Variants in MSH4 observed in about 807,000 individuals in gnomAD.
The protein encoded by MSH4 is mutS protein homolog 4.
In MSH4, 106 loss-of-function variants were observed where a neutral mutation model predicts 113.7. The observed-to-expected ratio is 0.93, with a 90% CI of 0.80 to 1.10. The LOEUF (loss-of-function observed/expected upper bound fraction) is 1.10, where lower values mean the gene tolerates loss of function less well. Ranked by LOEUF, MSH4 falls within the 50% of genes least tolerant of loss-of-function variation. The probability of loss-of-function intolerance (pLI) is 0.00; values close to 1 mark genes in which losing one functional copy is unlikely to be tolerated. For synonymous variants in MSH4, 368 were observed against 380.2 expected, an observed-to-expected ratio of 0.97 and a Z score of 0.37; for missense variants, 1,061 against 1,093.7, an observed-to-expected ratio of 0.97 and a Z score of 0.42.
intron 8 of MSH4, among the ~76,000 whole-genome samples, chr1:75,856,200 CCT>C (rs981138682): frequency 1.4e-5 from 2 of 146,750 alleles, no homozygotes; most frequent in South Asian, 2.4e-4. Flanking sequence ...GAATCTGGAA[CCT>C]TTTTTTCTGT....
chr1:75,825,594 G>C (rs1472223451), intron 7 of MSH4, among the ~76,000 whole-genome samples: 1 of 152,196 alleles, frequency 6.6e-6, no homozygotes, highest in East Asian at 1.9e-4. Context: ...GATATTGGCT[G>C]TGGGTTTGTC....
At position 75,894,281 on chromosome 1, in the gene MSH4, G is replaced by A. The variant is rs761575175; in HGVS notation, c.2355+3457G>A. Among the ~76,000 whole-genome samples the A allele has an allele frequency of 1.3e-4, 20 of 152,304 alleles. 1 individual carries two copies. The highest frequency in any genetic ancestry group is 3.4e-3 in the Middle Eastern group (1 of 294). On this transcript the variant is annotated intron_variant, in intron 17 of 19. Transcript: ENST00000263187. The stretch of plus-strand genomic sequence containing the variant: ...GGAAAAGTTACTGTAATGGGAAGCA[G>A]AGTTAAAGCAGCAATCAGAATAATC...
intron 9 of MSH4, 101 bp downstream of exon 9, chr1:75,867,689 G>A (rs1227550546): frequency 4.2e-6 from 3 of 717,528 alleles, no homozygotes; most frequent in East Asian, 5.4e-5. Context: ...GAATAACATG[G>A]CGAATTTCCC....
In MSH4 at chr1:75,889,403, A is replaced by T. The variant is rs5745500; in HGVS notation, c.2226+34A>T. 1.2e-3 allele frequency: 1,116 copies of T among 953,538 alleles called. 21 individuals are homozygous for T. In the South Asian group the frequency reaches 0.017, roughly 14 times the overall value. The allele number at this position is 953,538 out of a possible 1,614,324, so 59.1% of individuals were successfully genotyped here. ...ACAAAACTTTTCTTATGTTAAAAAC[A>T]TTAAATTCTCTCACTAATGGCCAGT... On this transcript the variant is annotated intron_variant, in intron 16 of 19. Transcript: ENST00000263187.
intron 19 of MSH4, among the ~76,000 whole-genome samples, chr1:75,905,418 T>TA (rs1259007145): frequency 6.6e-6 from 1 of 152,258 alleles, no homozygotes; most frequent in East Asian, 1.9e-4. Context: ...ATATACTTCA[T>TA]AGGGTTTCGA....
intron 19 of MSH4, among the ~76,000 whole-genome samples, chr1:75,910,474 G>C (rs1408157949): frequency 1.4e-5 from 2 of 147,810 alleles, no homozygotes; most frequent in Non-Finnish European, 3.0e-5. Flanking sequence ...TCACTGTGTT[G>C]CCCAGCCTGG....
chr1:75,909,597 T>A (rs1477654217), intron 19 of MSH4, among the ~76,000 whole-genome samples: 2 of 152,004 alleles, frequency 1.3e-5, no homozygotes, highest in African/African-American at 4.8e-5. Context: ...AGGTTTTAAG[T>A]CCCGCATGCA....
intron 7 of MSH4, among the ~76,000 whole-genome samples, chr1:75,839,360 G>A (rs867616722): frequency 8.6e-5 from 13 of 151,992 alleles, no homozygotes; most frequent in South Asian, 4.2e-4. Flanking sequence ...GATTACAGGC[G>A]CCCACCACCA....
At position 75,816,486 on chromosome 1, in the gene MSH4, C is replaced by T. The variant is rs748975135; in HGVS notation, c.929C>T (p.Ala310Val). 1.6e-5 allele frequency: 26 copies of T among 1,607,118 alleles called. No homozygotes were observed. The highest frequency in any genetic ancestry group is 1.3e-4 in the Admixed American group (8 of 59,766). Residue 310 changes from alanine (A) to valine (V), a missense_variant, in exon 6 of 20, where the codon GCC (alanine) becomes GTC (valine). Ala to Val is a moderately conservative substitution (Grantham distance 64). Transcript: ENST00000263187. ...KICFQGSEQT[A>V]MIDSSSAQNL... ...TGTTTCCAGGGTAGTGAACAGACAG[C>T]CATGATAGATTCATCATCAGCCCAA...
chr1:75,857,981 C>T (rs12024786), intron 8 of MSH4, among the ~76,000 whole-genome samples: 39,486 of 152,040 alleles, frequency 0.26, 6,522 homozygotes, highest in East Asian at 0.68. Flanking sequence ...AGGTCCTTCA[C>T]ATCCCTTGTA....
Position 75,796,966 on chromosome 1 carries a change from G to C in MSH4, c.-20G>C. On this transcript the variant is annotated 5_prime_UTR_variant, in exon 1 of 20. Transcript: ENST00000263187. ...CGCTCAGAAACCTCATACTTCTCGG[G>C]TCAGGGAAGGTTTGGGAGGATGCTG... The C allele has an allele frequency of 6.2e-7, 1 of 1,613,500 alleles. No homozygotes were observed. Among genetic ancestry groups the C allele is most frequent in the Non-Finnish European group, 8.5e-7 (1 of 1,179,768 alleles).
rs534519714 is a variant in MSH4 at position 75,824,148 on chromosome 1, A to T, written c.1162+1567A>T. Among the ~76,000 whole-genome samples the T allele has an allele frequency of 7.2e-5, 11 of 151,872 alleles. No homozygotes were observed. The East Asian group carries it at 1.9e-3, about 27-fold the overall frequency. On this transcript the variant is annotated intron_variant, in intron 7 of 19. Coordinates refer to ENST00000263187, the MANE Select transcript of MSH4 (RefSeq NM_002440.4). ...CCTCTCCAGCATCTGTTGTTTCCTT[A>T]CTTTTTAATGATCGACATTCTAACT...
chr1:75,824,728 A>T (rs1650506664), intron 7 of MSH4, among the ~76,000 whole-genome samples: 1 of 152,118 alleles, frequency 6.6e-6, no homozygotes, highest in African/African-American at 2.4e-5. Context: ...TTAAACAGGG[A>T]ATCCTTTCCC....
Position 75,822,275 on chromosome 1 carries a change from C to T in MSH4, c.990-134C>T, listed in dbSNP as rs975094541. Reference sequence around the variant, plus strand: ...CTGTACTCCATACTGGGAGAGAGAGCGAGACTCTGTTTCAAAAAAAAAAAA... The same window carrying T: ...CTGTACTCCATACTGGGAGAGAGAGTGAGACTCTGTTTCAAAAAAAAAAAA... On this transcript the variant is annotated intron_variant, in intron 6 of 19. Coordinates refer to ENST00000263187, the MANE Select transcript of MSH4 (RefSeq NM_002440.4). The T allele has an allele frequency of 4.6e-5, 24 of 517,966 alleles. No homozygotes were observed. The African/African-American group carries it at 5.2e-4, about 11-fold the overall frequency. 32.1% of individuals were successfully genotyped at this position (517,966 alleles called of 1,614,324 possible). A position where few individuals can be genotyped will look rare whatever the true frequency, so the allele number is the denominator to read the frequency against.
At chr1:75,902,673 GTATATATATATATATATATATATATATA>G (rs34304425) in intron 19 of MSH4, among the ~76,000 whole-genome samples, 7,803 of 90,006 alleles carry the variant, frequency 0.087, 592 homozygotes, top group Non-Finnish European at 0.1. Context: ...ATATGTGTAT[GTATATATATATATATATATATATATATA>G]TATATATATA....
chr1:75,797,440 T>G (rs1025173508), intron 1 of MSH4, among the ~76,000 whole-genome samples: 6 of 152,140 alleles, frequency 3.9e-5, no homozygotes, highest in African/African-American at 1.4e-4. Context: ...TGTGGATGGC[T>G]CAGTTCTGAG....
chr1:75,848,165 T>G lies in MSH4; in HGVS notation c.1163-44T>G, dbSNP rs149624820. On this transcript the variant is annotated intron_variant, in intron 7 of 19. Coordinates refer to ENST00000263187, the MANE Select transcript of MSH4 (RefSeq NM_002440.4). ...ATTTTACATAGTCAATATTTTGAAC[T>G]GTACCATAAAGTTTAAATACTCACA... 6.9e-4 allele frequency: 871 copies of G among 1,269,268 alleles called. 7 individuals carry two copies. In the African/African-American group the frequency reaches 0.011, roughly 16 times the overall value. The allele number at this position is 1,269,268 out of a possible 1,614,324, so 78.6% of individuals were successfully genotyped here. A position where few individuals can be genotyped will look rare whatever the true frequency, so the allele number is the denominator to read the frequency against.
At chr1:75,826,372 T>G (rs1349846464) in intron 7 of MSH4, among the ~76,000 whole-genome samples, 2 of 152,188 alleles carry the variant, frequency 1.3e-5, no homozygotes, top group Non-Finnish European at 2.9e-5. Flanking sequence ...TTTATTAGTC[T>G]GCATAGTGGT....
chr1:75,854,951 G>A (rs187582827), intron 8 of MSH4, among the ~76,000 whole-genome samples: 2 of 151,928 alleles, frequency 1.3e-5, no homozygotes, highest in African/African-American at 4.8e-5. Context: ...CTTATGAATA[G>A]CATATTTTAC....
Sources: allele counts gnomAD v4.1 joint callset (sites outside exome capture counted in the v4.1 genomes callset), GRCh38; gene constraint gnomAD v4.1.1; transcripts MANE v1.5; gene names NCBI Gene and HGNC (gene_info 2026-07-23, HGNC 2026-07-21).